Variants in GAS7 observed in about 807,000 individuals in gnomAD.
GAS7 encodes the protein growth arrest specific 7.
A neutral mutation model predicts 71.1 loss-of-function variants in GAS7; 28 were observed. The observed-to-expected ratio is 0.39, with a 90% CI of 0.29 to 0.54. The LOEUF (loss-of-function observed/expected upper bound fraction) is 0.54. Ranked by LOEUF, GAS7 falls within the 20% of genes least tolerant of loss-of-function variation. The pLI, the probability that GAS7 is intolerant of heterozygous loss-of-function variation, is 0.62. For missense variants in GAS7, 436 were observed against 627.8 expected (o/e 0.69, Z 3.27); for synonymous variants, 258 against 245.8 (o/e 1.05, Z -0.46).
intron 2 of GAS7, among the ~76,000 whole-genome samples, chr17:10,016,620 A>AAAAACAAAACAAAACAAAAAAAAC (rs1567542562): frequency 7.6e-6 from 1 of 131,666 alleles, no homozygotes; most frequent in African/African-American, 3.1e-5. Flanking sequence ...AAAAAAAAAA[A>AAAAACAAAACAAAACAAAAAAAAC]AAAACAAAAC....
intron 1 of GAS7, among the ~76,000 whole-genome samples, chr17:10,149,393 G>A (rs1041928939): frequency 7.2e-5 from 11 of 152,268 alleles, no homozygotes; most frequent in Admixed American, 3.9e-4. Context: ...GTGAGCCACC[G>A]CGCCCGGCCC....
chr17:9,955,675 T>C (rs979646324), intron 5 of GAS7, among the ~76,000 whole-genome samples: 22 of 152,112 alleles, frequency 1.4e-4, no homozygotes, highest in African/African-American at 5.3e-4. Flanking sequence ...GAGGTATAAA[T>C]GTGCCAGGTC....
At chr17:10,167,037 C>T (rs967068436) in intron 1 of GAS7, among the ~76,000 whole-genome samples, 1 of 102,826 alleles carries the variant, frequency 9.7e-6, no homozygotes, top group Non-Finnish European at 1.9e-5. Context: ...CTACTATTTC[C>T]ATTTGTCTTT....
chr17:9,979,101 A>G (rs911752026), intron 3 of GAS7, among the ~76,000 whole-genome samples: 2 of 152,204 alleles, frequency 1.3e-5, no homozygotes, highest in African/African-American at 4.8e-5. Context: ...AGCTTAACAC[A>G]TATGTGGTAT....
At chr17:9,998,693 A>AAAGGGAAGGGAAGGG (rs1555615493) in intron 2 of GAS7, among the ~76,000 whole-genome samples, 11 of 150,818 alleles carry the variant, frequency 7.3e-5, no homozygotes, top group African/African-American at 2.5e-4. Context: ...AGGAAAAGGA[A>AAAGGGAAGGGAAGGG]AAGGAAAAGG....
At chr17:10,146,434 G>A (rs1318712779) in intron 1 of GAS7, among the ~76,000 whole-genome samples, 1 of 152,124 alleles carries the variant, frequency 6.6e-6, no homozygotes, top group Non-Finnish European at 1.5e-5. Flanking sequence ...GCAAGAGTCA[G>A]GGAGTGAATC....
chr17:10,050,341 C>T (rs1242091916), intron 1 of GAS7, among the ~76,000 whole-genome samples: 4 of 152,118 alleles, frequency 2.6e-5, no homozygotes, highest in Non-Finnish European at 1.5e-5. Flanking sequence ...ACCAATGCAA[C>T]GCTAACACAA....
At chr17:9,984,293 A>G (rs1282549716) in intron 2 of GAS7, among the ~76,000 whole-genome samples, 6 of 152,012 alleles carry the variant, frequency 3.9e-5, no homozygotes, top group African/African-American at 2.4e-5. Context: ...GTAGGCCCCA[A>G]TACTCCCGCT....
intron 1 of GAS7, among the ~76,000 whole-genome samples, chr17:10,161,122 G>T (rs2074253270): frequency 6.6e-6 from 1 of 152,068 alleles, no homozygotes; most frequent in South Asian, 2.1e-4. Flanking sequence ...TTTGTTTTTT[G>T]CTAGCTTCAT....
intron 2 of GAS7, among the ~76,000 whole-genome samples, chr17:10,003,231 G>A (rs549840112): frequency 6.6e-6 from 1 of 152,292 alleles, no homozygotes; most frequent in South Asian, 2.1e-4. Context: ...GGAGCCTGGG[G>A]GTTCCGCAGC....
intron 1 of GAS7, among the ~76,000 whole-genome samples, chr17:10,028,493 TA>T (rs1255787388): frequency 6.6e-6 from 1 of 152,050 alleles, no homozygotes; most frequent in African/African-American, 2.4e-5. Context: ...AGAAAATAGA[TA>T]GAGGAAGAAC....
Position 10,197,311 on chromosome 17 carries a change from T to C in GAS7, c.183+897A>G, listed in dbSNP as rs557178530. On this transcript the variant is annotated intron_variant, in intron 1 of 13. Transcript: ENST00000432992. ...AGTGTTTTACCAGAATGTTTAGGAA[T>C]ACTGACACCATTGAAGGTAACTGTT... is the stretch of plus-strand genomic sequence containing the variant. Among the ~76,000 whole-genome samples, 12 of 152,316 alleles carry C rather than the reference T, an allele frequency of 7.9e-5. No homozygotes were observed. The South Asian group carries it at 1.7e-3, about 21-fold the overall frequency.
chr17:9,958,550 G>A (rs2069340605), intron 5 of GAS7, among the ~76,000 whole-genome samples: 1 of 151,820 alleles, frequency 6.6e-6, no homozygotes, highest in Admixed American at 6.6e-5. Flanking sequence ...CACTTCTCAG[G>A]CCTGTGCCCC....
intron 1 of GAS7, among the ~76,000 whole-genome samples, chr17:10,087,472 C>A (rs2073531656): frequency 6.6e-6 from 1 of 152,198 alleles, no homozygotes; most frequent in Admixed American, 6.5e-5. Context: ...CAGCCAGCAG[C>A]CATGGTTGCA....
At chr17:10,022,098 A>AT (rs2072293124) in intron 1 of GAS7, among the ~76,000 whole-genome samples, 1 of 152,090 alleles carries the variant, frequency 6.6e-6, no homozygotes, top group African/African-American at 2.4e-5. Flanking sequence ...TCTGCAAATA[A>AT]TTTTTAAAAT....
intron 3 of GAS7, among the ~76,000 whole-genome samples, chr17:9,979,877 A>C (rs891545323): frequency 6.6e-6 from 1 of 150,422 alleles, no homozygotes; most frequent in East Asian, 1.9e-4. Flanking sequence ...AAAAAAAAAA[A>C]CACAAGAACA....
chr17:10,178,099 G>C lies in GAS7; in HGVS notation c.183+20109C>G, dbSNP rs1480896656. On this transcript the variant is annotated intron_variant, in intron 1 of 13. Transcript: ENST00000432992. ...CTGGAGGGAGTGATCCAGAGCCTGA[G>C]TCACAGTCCCCTGGGAGTGTATGTG... Among the ~76,000 whole-genome samples, 7 of 152,198 alleles carry C rather than the reference G, an allele frequency of 4.6e-5. No homozygotes were observed. The East Asian group carries it at 1.4e-3, about 29-fold the overall frequency.
intron 1 of GAS7, among the ~76,000 whole-genome samples, chr17:10,190,565 G>T (rs1014596433): frequency 2.0e-5 from 3 of 149,256 alleles, no homozygotes; most frequent in African/African-American, 7.4e-5. Context: ...GAGCGACAGA[G>T]CAAGACTCCG....
At chr17:10,094,295 T>C (rs553708348) in intron 1 of GAS7, among the ~76,000 whole-genome samples, 3 of 152,220 alleles carry the variant, frequency 2.0e-5, no homozygotes, top group African/African-American at 7.2e-5. Context: ...CACAGCTGGG[T>C]CATTCCTGAA....
Sources: allele counts gnomAD v4.1 joint callset (sites outside exome capture counted in the v4.1 genomes callset), GRCh38; gene constraint gnomAD v4.1.1; transcripts MANE v1.5; gene names NCBI Gene and HGNC (gene_info 2026-07-23, HGNC 2026-07-21).